Variants in CLMP observed in about 807,000 individuals in gnomAD.
The protein encoded by CLMP is CXADR like cell adhesion molecule.
A neutral mutation model predicts 45.2 loss-of-function variants in CLMP; 27 were observed. That is an observed-to-expected ratio of 0.60 (90% CI 0.44 to 0.82). The LOEUF (loss-of-function observed/expected upper bound fraction) is 0.82. Ranked by LOEUF, CLMP falls within the 40% of genes least tolerant of loss-of-function variation. The pLI is 0.00. For missense variants in CLMP, 403 were observed against 448.4 expected (o/e 0.90, Z 0.91); for synonymous variants, 167 against 171.4 (o/e 0.97, Z 0.20).
intron 1 of CLMP, among the ~76,000 whole-genome samples, chr11:123,128,251 AC>A (rs1211393698): frequency 6.6e-6 from 1 of 151,888 alleles, no homozygotes. Context: ...AAAAAAAAAA[AC>A]AACTCAGCCA....
rs1565373454 is a variant in CLMP, at chr11:123,070,988, GAATT to G, written c.*2482_*2485del. ...GCACTATGTGACGACACGATTGTGA[GAATT>G]AAATATAGGAGTGAAAAACCAGAGA... On this transcript the variant is annotated 3_prime_UTR_variant, in exon 7 of 7. Transcript: ENST00000448775. 1 of 152,192 alleles carries G rather than the reference GAATT, an allele frequency of 6.6e-6. No homozygotes were observed. Among genetic ancestry groups the G allele is most frequent in the Non-Finnish European group, 1.5e-5 (1 of 68,036 alleles). The allele number at this position is 152,192 out of a possible 1,614,324, so 9.4% of individuals were successfully genotyped here.
chr11:123,136,183 G>T, intron 1 of CLMP: 1 of 635,244 alleles, frequency 1.6e-6, no homozygotes, highest in South Asian at 1.4e-5. Context: ...AAACTTTCTG[G>T]AACAAAAATC....
chr11:123,131,709 G>A (rs545415846), intron 1 of CLMP, among the ~76,000 whole-genome samples: 8 of 151,684 alleles, frequency 5.3e-5, no homozygotes, highest in East Asian at 1.9e-4. Context: ...CCTGTCTCCC[G>A]GGTTTGAGTG....
At chr11:123,140,740 T>C (rs1237908100) in intron 1 of CLMP, among the ~76,000 whole-genome samples, 1 of 152,172 alleles carries the variant, frequency 6.6e-6, no homozygotes, top group African/African-American at 2.4e-5. Context: ...CAGCGTCCAG[T>C]GTACAGTGGC....
chr11:123,144,729 CAGAAA>C (rs1645467346), intron 1 of CLMP, among the ~76,000 whole-genome samples: 1 of 152,154 alleles, frequency 6.6e-6, no homozygotes, highest in African/African-American at 2.4e-5. Context: ...AGCATTGTGA[CAGAAA>C]AGAAGTCATA....
intron 1 of CLMP, among the ~76,000 whole-genome samples, chr11:123,166,558 C>G (rs1861559502): frequency 1.3e-5 from 2 of 152,202 alleles, no homozygotes; most frequent in Admixed American, 1.3e-4. Flanking sequence ...GACCCTTCCC[C>G]AGTGTGGGAG....
chr11:123,131,984 A>C (rs1021395890), intron 1 of CLMP, among the ~76,000 whole-genome samples: 50 of 152,326 alleles, frequency 3.3e-4, no homozygotes, highest in African/African-American at 1.1e-3. Context: ...CATGGCTCTC[A>C]TAAGGATTAA....
At position 123,156,475 on chromosome 11, in the gene CLMP, C is replaced by T. The variant is rs115551098; in HGVS notation, c.28+38438G>A. Among the ~76,000 whole-genome samples, 1,048 of 152,236 alleles carry T rather than the reference C, an allele frequency of 6.9e-3. 6 individuals are homozygous for T. The highest frequency in any genetic ancestry group is 0.022 in the African/African-American group (926 of 41,536). On this transcript the variant is annotated intron_variant, in intron 1 of 6. Coordinates refer to ENST00000448775, the MANE Select transcript of CLMP (RefSeq NM_024769.5). ...CCTAGCTAAGCTGCTTCTGAATTCCCGATTCATAGAAACTGTGAAATAATA... is the reference window on the plus strand; with the variant it reads ...CCTAGCTAAGCTGCTTCTGAATTCCTGATTCATAGAAACTGTGAAATAATA...
chr11:123,095,873 G>A lies in CLMP; in HGVS notation c.186+1922C>T, dbSNP rs141412888. On this transcript the variant is annotated intron_variant, in intron 2 of 6. Transcript: ENST00000448775. ...TCTTGCTCAAAATGTATTCTACGAG[G>A]GCAGAGAGGGAAGTCCAAGATTAGC... Among the ~76,000 whole-genome samples, 1,099 of 152,232 alleles carry A rather than the reference G, an allele frequency of 7.2e-3. 8 individuals are homozygous for A. The highest frequency in any genetic ancestry group is 0.018 in the Admixed American group (272 of 15,280).
chr11:123,113,004 A>G (rs1297397683), intron 1 of CLMP, among the ~76,000 whole-genome samples: 1 of 151,262 alleles, frequency 6.6e-6, no homozygotes, highest in Non-Finnish European at 1.5e-5. Context: ...CGATCTCCTG[A>G]CCTTGTGATC....
At chr11:123,096,617 A>G (rs1865992741) in intron 2 of CLMP, among the ~76,000 whole-genome samples, 1 of 152,214 alleles carries the variant, frequency 6.6e-6, no homozygotes, top group African/African-American at 2.4e-5. Context: ...TTGCTGTATG[A>G]GAACAAAATG....
At chr11:123,115,895 A>C (rs1355970974) in intron 1 of CLMP, among the ~76,000 whole-genome samples, 1 of 152,158 alleles carries the variant, frequency 6.6e-6, no homozygotes, top group Non-Finnish European at 1.5e-5. Context: ...AGCATGGCTT[A>C]GCTGGGTGGC....
chr11:123,099,701 A>G (rs55910302), intron 1 of CLMP, among the ~76,000 whole-genome samples: 14,318 of 152,132 alleles, frequency 0.094, 798 homozygotes, highest in East Asian at 0.16. Flanking sequence ...GGTGGGGGGC[A>G]GATATTCAGT....
At chr11:123,098,992 C>T (rs7104160) in intron 1 of CLMP, among the ~76,000 whole-genome samples, 18,826 of 152,056 alleles carry the variant, frequency 0.12, 1,294 homozygotes, top group Non-Finnish European at 0.15. Flanking sequence ...CGCGTCCGGC[C>T]GTGCTGGCTA....
chr11:123,166,921 A>G (rs1386418490), intron 1 of CLMP, among the ~76,000 whole-genome samples: 1 of 152,130 alleles, frequency 6.6e-6, no homozygotes, highest in Admixed American at 6.5e-5. Flanking sequence ...ATTACGTGTC[A>G]ATTAGAAACA....
At chr11:123,148,340 G>A (rs1008392141) in intron 1 of CLMP, among the ~76,000 whole-genome samples, 1 of 152,190 alleles carries the variant, frequency 6.6e-6, no homozygotes, top group Admixed American at 6.5e-5. Context: ...AAGGGCATTT[G>A]GATGGAATCT....
intron 1 of CLMP, among the ~76,000 whole-genome samples, chr11:123,187,033 T>C (rs1861844075): frequency 6.6e-6 from 1 of 152,154 alleles, no homozygotes; most frequent in Admixed American, 6.5e-5. Flanking sequence ...CAGACATTCA[T>C]TTACTATTTA....
chr11:123,131,896 G>A (rs1860995221), intron 1 of CLMP, among the ~76,000 whole-genome samples: 2 of 152,110 alleles, frequency 1.3e-5, no homozygotes, highest in Non-Finnish European at 2.9e-5. Flanking sequence ...GATTACAGGC[G>A]TGAGCCACTG....
intron 1 of CLMP, among the ~76,000 whole-genome samples, chr11:123,129,422 A>G (rs1157024934): frequency 7.1e-6 from 1 of 141,260 alleles, no homozygotes; most frequent in Admixed American, 7.4e-5. Context: ...ATGATATATT[A>G]TATAAAATAT....
Sources: gnomAD v4.1 joint callset for allele counts (sites outside exome capture counted in the v4.1 genomes callset) on GRCh38, gnomAD v4.1.1 for gene constraint, MANE v1.5 for transcripts, NCBI Gene and HGNC (gene_info 2026-07-23, HGNC 2026-07-21) for gene names.